The following C12orf42 variants were observed in gnomAD, a reference collection of about 807,000 sequenced individuals.
C12orf42 encodes chromosome 12 open reading frame 42.
In C12orf42, 25 loss-of-function variants were observed where a neutral mutation model predicts 21.6. The ratio of observed to expected loss-of-function variants is 1.16; its 90% CI spans 0.84 to 1.62. The LOEUF is 1.62. Among genes scored for constraint, C12orf42 ranks in the 40% most tolerant of loss-of-function variants. The pLI is 0.00. For missense variants in C12orf42, 483 were observed against 459.3 expected, an observed-to-expected ratio of 1.05 and a Z score of -0.47; for synonymous variants, 174 against 175.0, an observed-to-expected ratio of 0.99 and a Z score of 0.05.
At chr12:103,265,690 G>A (rs1369013749), downstream of C12orf42, among the ~76,000 whole-genome samples, 3 of 152,126 alleles carry the variant, frequency 2.0e-5, no homozygotes, top group South Asian at 2.1e-4. Flanking sequence ...ACAGACTCAC[G>A]TGGGTTGGGG....
intron 10 of C12orf42, among the ~76,000 whole-genome samples, chr12:103,255,284 A>T (rs1399324155): frequency 2.0e-5 from 3 of 152,086 alleles, no homozygotes; most frequent in Non-Finnish European, 4.4e-5. Flanking sequence ...AGGCAGGGGG[A>T]TCACTTGAAC....
intron 3 of C12orf42, among the ~76,000 whole-genome samples, chr12:103,371,738 AG>A (rs796151313): frequency 2.6e-5 from 4 of 152,222 alleles, no homozygotes; most frequent in African/African-American, 9.6e-5. Flanking sequence ...AATTCAGAGC[AG>A]GGGTTATAAA....
chr12:103,133,842 T>A, the C12orf42 span, among the ~76,000 whole-genome samples: 6,159 of 152,272 alleles, frequency 0.04, 156 homozygotes, highest in South Asian at 0.083. Context: ...TCTCATGAGA[T>A]CTGATGGTTT....
chr12:103,509,412 C>T, the C12orf42 span, among the ~76,000 whole-genome samples: 20 of 152,124 alleles, frequency 1.3e-4, no homozygotes, highest in African/African-American at 3.4e-4. Context: ...CTGAGCCAAG[C>T]GTAAGCACCT....
chr12:103,311,872 A>C (rs2039002467), intron 4 of C12orf42, among the ~76,000 whole-genome samples: 1 of 152,202 alleles, frequency 6.6e-6, no homozygotes, highest in African/African-American at 2.4e-5. Flanking sequence ...ATGAAAATGT[A>C]TAATCAGGGC....
chr12:103,520,015 AG>A, the C12orf42 span, among the ~76,000 whole-genome samples: 3 of 152,234 alleles, frequency 2.0e-5, no homozygotes. Flanking sequence ...AACAGGGATG[AG>A]GCAAATGCTG....
chr12:103,399,640 A>G (rs2047825581), intron 3 of C12orf42, among the ~76,000 whole-genome samples: 1 of 152,024 alleles, frequency 6.6e-6, no homozygotes, highest in Non-Finnish European at 1.5e-5. Flanking sequence ...GTTTCCTGGA[A>G]CTACCTGAAT....
chr12:103,425,416 C>T (rs1949725233), intron 2 of C12orf42, among the ~76,000 whole-genome samples: 1 of 152,188 alleles, frequency 6.6e-6, no homozygotes, highest in Non-Finnish European at 1.5e-5. Context: ...CAGAGGTCGA[C>T]AGACACCTCA....
chr12:103,133,170 A>C, the C12orf42 span, among the ~76,000 whole-genome samples: 1 of 152,058 alleles, frequency 6.6e-6, no homozygotes, highest in African/African-American at 2.4e-5. Flanking sequence ...TACTACCACC[A>C]CAGCGGGCTC....
chr12:103,368,844 CTTTG>C, intron 4 of C12orf42, 39 bp downstream of exon 4: 17 of 1,070,780 alleles, frequency 1.6e-5, no homozygotes, highest in Non-Finnish European at 1.9e-5. Context: ...TCCAGAGTTT[CTTTG>C]GAAACTCTGG....
intron 2 of C12orf42, among the ~76,000 whole-genome samples, chr12:103,404,721 T>G (rs2048294462): frequency 6.6e-6 from 1 of 152,106 alleles, no homozygotes; most frequent in Non-Finnish European, 1.5e-5. Context: ...GGCTCAGGTC[T>G]AATGAAAAGA....
At chr12:103,490,788 AAGG>A (rs1955136071) in intron 1 of C12orf42, among the ~76,000 whole-genome samples, 3 of 151,950 alleles carry the variant, frequency 2.0e-5, no homozygotes, top group African/African-American at 7.2e-5. Context: ...AAAACATTAT[AAGG>A]AGTAGTTTTA....
intron 4 of C12orf42, among the ~76,000 whole-genome samples, chr12:103,355,809 G>T (rs932404541): frequency 6.6e-6 from 1 of 152,000 alleles, no homozygotes; most frequent in Non-Finnish European, 1.5e-5. Flanking sequence ...TTTCTTAATT[G>T]TCCTCCCTTA....
chr12:103,085,294 C>A, the C12orf42 span, among the ~76,000 whole-genome samples: 1 of 152,128 alleles, frequency 6.6e-6, no homozygotes, highest in African/African-American at 2.4e-5. Context: ...TAATATTAAT[C>A]CTTAATTTGC....
the C12orf42 span, among the ~76,000 whole-genome samples, chr12:103,090,643 G>A: frequency 1.1e-4 from 16 of 152,078 alleles, no homozygotes; most frequent in Non-Finnish European, 1.3e-4. Flanking sequence ...GATCCAAGTG[G>A]TTTGATTATG....
chr12:103,088,505 C>G, the C12orf42 span, among the ~76,000 whole-genome samples: 1 of 152,218 alleles, frequency 6.6e-6, no homozygotes, highest in Non-Finnish European at 1.5e-5. Flanking sequence ...GTTGAAGTCA[C>G]CTCTTTCCTC....
rs368966924 is a variant in C12orf42 at position 103,391,571 on chromosome 12, T to C, written c.147+10036A>G. Among the ~76,000 whole-genome samples, 4 of 152,228 alleles carry C rather than the reference T, an allele frequency of 2.6e-5. No individual in the cohort carries two copies. In the East Asian group the frequency reaches 7.7e-4, roughly 29 times the overall value. ...CATTTGTACATCTTTCTTGGAGAAA[T>C]TTCTTTTCAAGTCCTTTGCCCATTT... On this transcript the variant is annotated intron_variant, in intron 3 of 5. Coordinates refer to ENST00000548883, the MANE Select transcript of C12orf42 (RefSeq NM_198521.5).
chr12:103,180,218 TCAAAGGGTCACAAACACATACC>T, the C12orf42 span, among the ~76,000 whole-genome samples: 1 of 152,082 alleles, frequency 6.6e-6, no homozygotes, highest in Non-Finnish European at 1.5e-5. Context: ...TTGTGGCTCT[TCAAAGGGTCACAAACACATACC>T]TATATATCTA....
chr12:103,068,931 CCACATATA>C, the C12orf42 span, among the ~76,000 whole-genome samples: 26 of 47,054 alleles, frequency 5.5e-4, no homozygotes, highest in Non-Finnish European at 8.8e-4. Context: ...ATCTCTCTCT[CCACATATA>C]TATATATATA....
Sources: gnomAD v4.1 joint callset for allele counts (sites outside exome capture counted in the v4.1 genomes callset) on GRCh38, gnomAD v4.1.1 for gene constraint, MANE v1.5 for transcripts, NCBI Gene and HGNC (gene_info 2026-07-23, HGNC 2026-07-21) for gene names.